Variants in SAMMSON observed in about 807,000 individuals in gnomAD.
The protein encoded by SAMMSON is survival associated mitochondrial melanoma specific oncogenic non-coding RNA.
chr3:70,033,126 A>G (rs532050387), intron 3 of SAMMSON, among the ~76,000 whole-genome samples: 1 of 152,304 alleles, frequency 6.6e-6, no homozygotes, highest in South Asian at 2.1e-4. Context: ...GACTTTAAGT[A>G]GACAATCCTG....
intron 4 of SAMMSON, among the ~76,000 whole-genome samples, chr3:70,216,597 A>C (rs1559537273): frequency 6.6e-6 from 1 of 152,030 alleles, no homozygotes; most frequent in African/African-American, 2.4e-5. Flanking sequence ...CTAGATAGAG[A>C]TTTTTTAAGT....
chr3:70,266,871 A>G (rs1429828848), intron 6 of SAMMSON, among the ~76,000 whole-genome samples: 4 of 152,210 alleles, frequency 2.6e-5, no homozygotes, highest in Admixed American at 6.5e-5. Flanking sequence ...GAAGTTTGGA[A>G]TCATTCGTCT....
At chr3:70,327,488 G>A (rs1207844644) in intron 7 of SAMMSON, among the ~76,000 whole-genome samples, 2 of 152,154 alleles carry the variant, frequency 1.3e-5, no homozygotes. Context: ...ATTTGGGGAC[G>A]CTAAGGCAGG....
chr3:70,252,425 C>T (rs1454427489), intron 6 of SAMMSON, among the ~76,000 whole-genome samples: 1 of 152,144 alleles, frequency 6.6e-6, no homozygotes, highest in Non-Finnish European at 1.5e-5. Flanking sequence ...AGGACATAAA[C>T]TATTGTGGTA....
At chr3:70,338,852 A>C (rs1179803119) in intron 7 of SAMMSON, among the ~76,000 whole-genome samples, 3 of 152,198 alleles carry the variant, frequency 2.0e-5, no homozygotes, top group African/African-American at 7.2e-5. Context: ...ATTCAATGAC[A>C]TCCCCATCAA....
At chr3:70,194,548 C>A (rs1701156772) in intron 4 of SAMMSON, among the ~76,000 whole-genome samples, 1 of 152,138 alleles carries the variant, frequency 6.6e-6, no homozygotes, top group South Asian at 2.1e-4. Flanking sequence ...GTATAACCGA[C>A]CCTTTCTGTT....
At chr3:70,199,353 T>A (rs7616256) in intron 4 of SAMMSON, among the ~76,000 whole-genome samples, 103,577 of 151,858 alleles carry the variant, frequency 0.68, 36,287 homozygotes, top group Non-Finnish European at 0.76. Flanking sequence ...CCTCTTCTAA[T>A]GTATACTGTA....
chr3:70,153,152 G>A (rs753996037), intron 4 of SAMMSON, among the ~76,000 whole-genome samples: 1 of 151,890 alleles, frequency 6.6e-6, no homozygotes, highest in Non-Finnish European at 1.5e-5. Flanking sequence ...GCGTTATTCT[G>A]TCAATATAAG....
chr3:70,136,504 T>A (rs1311147269), intron 4 of SAMMSON, among the ~76,000 whole-genome samples: 1 of 152,226 alleles, frequency 6.6e-6, no homozygotes, highest in Non-Finnish European at 1.5e-5. Context: ...CAGCCCTGGC[T>A]GACAGCTTGT....
At chr3:70,415,286 G>A (rs1170110847) in intron 2 of SAMMSON, among the ~76,000 whole-genome samples, 1 of 152,078 alleles carries the variant, frequency 6.6e-6, no homozygotes, top group Admixed American at 6.6e-5. Context: ...CTTGGCAATG[G>A]GTCTGCTGTT....
chr3:70,180,800 G>T (rs1417518882), intron 4 of SAMMSON, among the ~76,000 whole-genome samples: 1 of 152,182 alleles, frequency 6.6e-6, no homozygotes. Flanking sequence ...TGGAGTTACA[G>T]ATTCAATTAA....
intron 7 of SAMMSON, chr3:70,311,781 A>G (rs1702455688): frequency 5.1e-6 from 2 of 392,440 alleles, no homozygotes; most frequent in Non-Finnish European, 9.0e-6. Flanking sequence ...AAGTACTACT[A>G]TTTGAACGGT....
intron 4 of SAMMSON, among the ~76,000 whole-genome samples, chr3:70,129,927 A>G (rs1026373261): frequency 6.6e-6 from 1 of 152,204 alleles, no homozygotes; most frequent in Non-Finnish European, 1.5e-5. Flanking sequence ...TATACTTTAT[A>G]CATAGTGAAA....
chr3:70,175,490 G>A (rs1328108029), intron 4 of SAMMSON, among the ~76,000 whole-genome samples: 1 of 152,062 alleles, frequency 6.6e-6, no homozygotes, highest in Non-Finnish European at 1.5e-5. Context: ...TTAGGGCTCT[G>A]TTAGGAGAGA....
chr3:70,301,268 T>C (rs141794922), intron 7 of SAMMSON, among the ~76,000 whole-genome samples: 22 of 152,252 alleles, frequency 1.4e-4, no homozygotes, highest in African/African-American at 5.3e-4. Context: ...AAAACACTTT[T>C]TAAATTTTAA....
At chr3:70,331,095 T>C (rs1559565352) in intron 7 of SAMMSON, among the ~76,000 whole-genome samples, 1 of 152,234 alleles carries the variant, frequency 6.6e-6, no homozygotes, top group East Asian at 1.9e-4. Flanking sequence ...TTTCTCTTCT[T>C]AGACAAAACA....
At chr3:70,337,492 G>A (rs927224961) in intron 7 of SAMMSON, among the ~76,000 whole-genome samples, 3 of 151,734 alleles carry the variant, frequency 2.0e-5, no homozygotes, top group Non-Finnish European at 2.9e-5. Flanking sequence ...AGCAAGCAAA[G>A]AATATGAATA....
chr3:70,391,229 A>G (rs1701046000), downstream of SAMMSON, among the ~76,000 whole-genome samples: 2 of 152,202 alleles, frequency 1.3e-5, no homozygotes, highest in African/African-American at 2.4e-5. Flanking sequence ...TGTTGCTCTT[A>G]TGACAAAAAT....
intron 3 of SAMMSON, among the ~76,000 whole-genome samples, chr3:70,052,479 A>G (rs1310914589): frequency 1.3e-5 from 2 of 152,160 alleles, no homozygotes; most frequent in Non-Finnish European, 2.9e-5. Context: ...GAAGCACTTT[A>G]TAATTTCAGC....
Sources: allele counts gnomAD v4.1 joint callset (sites outside exome capture counted in the v4.1 genomes callset), GRCh38; gene constraint gnomAD v4.1.1; transcripts MANE v1.5; gene names NCBI Gene and HGNC (gene_info 2026-07-23, HGNC 2026-07-21).